KICS2: variants seen among roughly 807,000 people sequenced by gnomAD.
The protein encoded by KICS2 is KICSTOR complex protein C12orf66.
KICS2 carries 13 observed loss-of-function variants against 31.4 expected under a neutral mutation model. The ratio of observed to expected loss-of-function variants is 0.41; its 90% CI spans 0.27 to 0.66. KICS2 has a LOEUF of 0.66. Among genes scored for constraint, KICS2 ranks in the 30% least tolerant of loss-of-function variants. The pLI is 0.28. For synonymous variants in KICS2, 209 were observed against 214.8 expected, an observed-to-expected ratio of 0.97 and a Z score of 0.24; for missense variants, 455 against 545.4, an observed-to-expected ratio of 0.83 and a Z score of 1.65.
At chr12:64,203,391 T>C (rs1018486435) in intron 2 of KICS2, among the ~76,000 whole-genome samples, 1 of 152,190 alleles carries the variant, frequency 6.6e-6, no homozygotes, top group Non-Finnish European at 1.5e-5. Flanking sequence ...ACATGCTCCT[T>C]CTCCAGAAGC....
At chr12:64,202,512 G>A (rs1228872330) in intron 2 of KICS2, among the ~76,000 whole-genome samples, 1 of 151,614 alleles carries the variant, frequency 6.6e-6, no homozygotes, top group Non-Finnish European at 1.5e-5. Flanking sequence ...TATGTACAAT[G>A]TACTCTGCTA....
At chr12:64,219,633 TGAAA>T (rs2037660703) in intron 1 of KICS2, among the ~76,000 whole-genome samples, 1 of 152,000 alleles carries the variant, frequency 6.6e-6, no homozygotes, top group Non-Finnish European at 1.5e-5. Context: ...AATATACACA[TGAAA>T]GAAAGAAGGA....
chr12:64,188,532 G>A (rs900568987), downstream of KICS2, among the ~76,000 whole-genome samples: 3 of 151,480 alleles, frequency 2.0e-5, no homozygotes, highest in African/African-American at 7.3e-5. Context: ...GAGGATGGGA[G>A]GGAGAGAAGG....
In KICS2 at chr12:64,206,144, G is replaced by A. The variant is rs139270685; in HGVS notation, c.521+9534C>T. 5.8e-3 allele frequency among the ~76,000 whole-genome samples: 889 copies of A among 152,204 alleles called. 10 individuals carry two copies. Among genetic ancestry groups the A allele is most frequent in the African/African-American group, 0.015 (637 of 41,526 alleles). On this transcript the variant is annotated intron_variant, in intron 2 of 2. Coordinates refer to ENST00000398055, the MANE Select transcript of KICS2 (RefSeq NM_152440.5). ...TATGTTTCCCAGGGTGGTCTTGAAT[G>A]CCTAGCCTCAAGCAATCCTCTTGCT...
chr12:64,201,727 C>T (rs1262666179), intron 2 of KICS2, among the ~76,000 whole-genome samples: 1 of 151,596 alleles, frequency 6.6e-6, no homozygotes, highest in East Asian at 1.9e-4. Context: ...CCTGTAATCC[C>T]AGCTACTCTG....
intron 1 of KICS2, among the ~76,000 whole-genome samples, chr12:64,217,818 A>AAAGAAAAGAAAAGAAAGAAGGAAGGAAGG (rs1354618712): frequency 6.6e-6 from 1 of 151,584 alleles, no homozygotes; most frequent in Non-Finnish European, 1.5e-5. Flanking sequence ...GAAAAGAAGA[A>AAAGAAAAGAAAAGAAAGAAGGAAGGAAGG]AAGAAAAGAA....
chr12:64,207,989 T>C (rs896434065), intron 2 of KICS2, among the ~76,000 whole-genome samples: 2 of 152,190 alleles, frequency 1.3e-5, no homozygotes, highest in East Asian at 1.9e-4. Flanking sequence ...TCCTCAATGA[T>C]TGGACTTCTG....
Position 64,214,523 on chromosome 12 carries a change from C to G in KICS2, c.521+1155G>C, listed in dbSNP as rs114647619. On this transcript the variant is annotated intron_variant, in intron 2 of 2. Coordinates refer to ENST00000398055, the MANE Select transcript of KICS2 (RefSeq NM_152440.5). Reference sequence around the variant, plus strand: ...GCCTTTTTGTATTCTGAAATATCCTCTCATCTCAAAACACCTGCCGTCTTC... The same window carrying G: ...GCCTTTTTGTATTCTGAAATATCCTGTCATCTCAAAACACCTGCCGTCTTC... Among the ~76,000 whole-genome samples, 507 of 152,280 alleles carry G rather than the reference C, an allele frequency of 3.3e-3. 6 individuals are homozygous for G. The highest frequency in any genetic ancestry group is 0.012 in the African/African-American group (489 of 41,566).
Position 64,193,965 on chromosome 12 carries a change from G to A in KICS2, c.1215C>T (p.Val405=). 6.2e-7 allele frequency: 1 copy of A among 1,614,186 alleles called. No homozygotes were observed. ...LTRPEPHFTI[V]IIFESKKSER... ...CAGATTTCTTTGACTCAAAAATGAT[G>A]ACAATGGTAAAGTGAGGTTCCGGGC... The change falls in exon 3 of 3, where the codon GTC becomes GTT. Residue 405 remains valine (V), a synonymous_variant. Coordinates refer to ENST00000398055, the MANE Select transcript of KICS2 (RefSeq NM_152440.5).
chr12:64,215,283 G>T (rs2037617443), intron 2 of KICS2, among the ~76,000 whole-genome samples: 1 of 152,156 alleles, frequency 6.6e-6, no homozygotes, highest in South Asian at 2.1e-4. Flanking sequence ...CTGCACTCCA[G>T]CCTGGGCAAC....
rs1242142101 is a variant in KICS2, at chr12:64,211,138, GA to G, written c.521+4539del. 3.3e-5 allele frequency among the ~76,000 whole-genome samples: 5 copies of G among 151,958 alleles called. 1 individual carries two copies. The highest frequency in any genetic ancestry group is 7.4e-5 in the Non-Finnish European group (5 of 67,992). ...ACTACATGAGATCTCTTCCCCTTAGGAATCATATCCTTAACTGTACTTCAGT... is the reference window on the plus strand; with the variant it reads ...ACTACATGAGATCTCTTCCCCTTAGGATCATATCCTTAACTGTACTTCAGT... On this transcript the variant is annotated intron_variant, in intron 2 of 2. Coordinates refer to ENST00000398055, the MANE Select transcript of KICS2 (RefSeq NM_152440.5).
In KICS2 at chr12:64,222,283, C is replaced by T; in HGVS notation, c.-46G>A. 6.3e-7 allele frequency: 1 copy of T among 1,598,694 alleles called. No individual in the cohort carries two copies. Among genetic ancestry groups the T allele is most frequent in the Non-Finnish European group, 8.5e-7 (1 of 1,172,734 alleles). On this transcript the variant is annotated 5_prime_UTR_variant, in exon 1 of 3. Transcript: ENST00000398055. ...ACCCACGTGGCTCTCCTCGGCCTCGCACTTCCGGGTTCTGAGGGAACGGGC... is the reference window on the plus strand; with the variant it reads ...ACCCACGTGGCTCTCCTCGGCCTCGTACTTCCGGGTTCTGAGGGAACGGGC...
chr12:64,203,004 C>A (rs1252190058), intron 2 of KICS2, among the ~76,000 whole-genome samples: 1 of 152,020 alleles, frequency 6.6e-6, no homozygotes, highest in Non-Finnish European at 1.5e-5. Context: ...GTCACTTTCC[C>A]CAGTTATATC....
intron 2 of KICS2, chr12:64,204,648 TAGCC>T (rs2037520428): frequency 6.6e-6 from 1 of 152,160 alleles, no homozygotes; most frequent in Admixed American, 6.5e-5. Context: ...ATAAAAAAAT[TAGCC>T]AGGCCTCGTG....
chr12:64,208,103 G>A (rs917788604), intron 2 of KICS2, among the ~76,000 whole-genome samples: 2 of 152,192 alleles, frequency 1.3e-5, no homozygotes, highest in African/African-American at 2.4e-5. Context: ...TCCACCTCCC[G>A]GGCTCAGGTG....
At chr12:64,208,840 C>G (rs911652623) in intron 2 of KICS2, among the ~76,000 whole-genome samples, 1 of 151,684 alleles carries the variant, frequency 6.6e-6, no homozygotes, top group Admixed American at 6.6e-5. Flanking sequence ...TCTAGAATGC[C>G]TAAGTGATGG....
chr12:64,219,711 C>T lies in KICS2; in HGVS notation c.235+2292G>A, dbSNP rs1354911336. 3.9e-4 allele frequency among the ~76,000 whole-genome samples: 60 copies of T among 152,158 alleles called. 2 individuals carry two copies. The highest frequency in any genetic ancestry group is 3.9e-3 in the Admixed American group (60 of 15,274). ...AGTAGCTTGATTGTGGTGATTATTT[C>T]ACAATTTACATATACATCAAAACAT... On this transcript the variant is annotated intron_variant, in intron 1 of 2. Coordinates refer to ENST00000398055, the MANE Select transcript of KICS2 (RefSeq NM_152440.5).
Position 64,196,302 on chromosome 12 carries a change from G to C in KICS2, c.522-1644C>G, listed in dbSNP as rs1287925166. Among the ~76,000 whole-genome samples the C allele has an allele frequency of 2.0e-5, 3 of 150,190 alleles. No individual in the cohort carries two copies. In the East Asian group the frequency reaches 5.9e-4, roughly 29 times the overall value. On this transcript the variant is annotated intron_variant, in intron 2 of 2. Transcript: ENST00000398055. Reference sequence around the variant, plus strand: ...AGTGGGTTCCTGACCCCTGACCCCCGAGCAGCCTAACTGGGAGGCACCCCC... The same window carrying C: ...AGTGGGTTCCTGACCCCTGACCCCCCAGCAGCCTAACTGGGAGGCACCCCC...
downstream of KICS2, chr12:64,190,941 G>A (rs943288963): frequency 2.6e-5 from 4 of 152,154 alleles, no homozygotes; most frequent in Admixed American, 6.5e-5. Flanking sequence ...CAAACCCTGT[G>A]TCCAAACAGC....
Sources: gnomAD v4.1 joint callset for allele counts (sites outside exome capture counted in the v4.1 genomes callset) on GRCh38, gnomAD v4.1.1 for gene constraint, MANE v1.5 for transcripts, NCBI Gene and HGNC (gene_info 2026-07-23, HGNC 2026-07-21) for gene names.